IL1RAPL1: variants seen among roughly 807,000 people sequenced by gnomAD.
The protein encoded by IL1RAPL1 is interleukin-1 receptor accessory protein-like 1.
IL1RAPL1 carries 3 observed loss-of-function variants against 48.4 expected under a neutral mutation model. That is an observed-to-expected ratio of 0.06 (90% CI 0.03 to 0.16). The LOEUF is 0.16. IL1RAPL1 is among the 10% of genes least tolerant of loss of function. The probability of loss-of-function intolerance (pLI) is 1.00; values close to 1 mark genes in which losing one functional copy is unlikely to be tolerated. For missense variants in IL1RAPL1, 349 were observed against 530.6 expected (o/e 0.66, Z 3.36); for synonymous variants, 185 against 187.7 (o/e 0.99, Z 0.12).
intron 6 of IL1RAPL1, among the ~76,000 whole-genome samples, chrX:29,669,072 TGTACAA>T (rs1480237847): frequency 1.2e-4 from 13 of 111,389 alleles, no homozygotes; most frequent in African/African-American, 4.2e-4. Context: ...ATTGAAAAAA[TGTACAA>T]TTATATACGA....
At chrX:29,045,830 C>T (rs1385225949) in intron 2 of IL1RAPL1, among the ~76,000 whole-genome samples, 1 of 110,556 alleles carries the variant, frequency 9.0e-6, no homozygotes, top group Admixed American at 9.7e-5. Context: ...CTGTCATGTT[C>T]CTAAATTCCA....
At chrX:29,860,591 C>T (rs1437304799) in intron 6 of IL1RAPL1, among the ~76,000 whole-genome samples, 4 of 110,961 alleles carry the variant, frequency 3.6e-5, no homozygotes, top group African/African-American at 1.3e-4. Flanking sequence ...CTTCCACTTA[C>T]GAGTGAGACC....
At chrX:29,186,923 A>C (rs1297107832) in intron 2 of IL1RAPL1, among the ~76,000 whole-genome samples, 1 of 111,203 alleles carries the variant, frequency 9.0e-6, no homozygotes, top group Non-Finnish European at 1.9e-5. Flanking sequence ...CTGAATTATG[A>C]GAACACATGA....
chrX:28,786,984 G>A (rs955739159), intron 1 of IL1RAPL1, among the ~76,000 whole-genome samples: 20 of 112,029 alleles, frequency 1.8e-4, no homozygotes, highest in Middle Eastern at 4.6e-3. Context: ...CCTCAAAGAA[G>A]TTTGTAAAGA....
chrX:29,331,962 A>G (rs989596940), intron 3 of IL1RAPL1, among the ~76,000 whole-genome samples: 1 of 110,824 alleles, frequency 9.0e-6, no homozygotes, highest in Non-Finnish European at 1.9e-5. Flanking sequence ...AGAAATTAAC[A>G]TAATACTCAA....
intron 6 of IL1RAPL1, among the ~76,000 whole-genome samples, chrX:29,681,747 T>C (rs914639247): frequency 2.7e-5 from 3 of 112,122 alleles, no homozygotes; most frequent in African/African-American, 9.7e-5. Flanking sequence ...ATGAATGTAA[T>C]GCAGTCATCA....
At chrX:29,060,847 C>A (rs903694766) in intron 2 of IL1RAPL1, among the ~76,000 whole-genome samples, 1 of 111,667 alleles carries the variant, frequency 9.0e-6, no homozygotes, top group Non-Finnish European at 1.9e-5. Flanking sequence ...AATGTTACTG[C>A]TAAAATTATT....
intron 1 of IL1RAPL1, among the ~76,000 whole-genome samples, chrX:28,731,101 A>C (rs371554893): frequency 8.9e-6 from 1 of 112,179 alleles, no homozygotes; most frequent in South Asian, 3.7e-4. Context: ...AGATGCCTCA[A>C]AATAGGATCA....
intron 8 of IL1RAPL1, among the ~76,000 whole-genome samples, chrX:29,941,449 A>G (rs1389043688): frequency 8.9e-6 from 1 of 112,063 alleles, no homozygotes; most frequent in East Asian, 2.8e-4. Context: ...TGGTTGTCAC[A>G]TACCACCTTA....
At chrX:29,029,121 A>G (rs746749212) in intron 2 of IL1RAPL1, among the ~76,000 whole-genome samples, 1 of 111,191 alleles carries the variant, frequency 9.0e-6, no homozygotes, top group Non-Finnish European at 1.9e-5. Flanking sequence ...TGAAACCATC[A>G]CATTTCATGA....
chrX:29,746,065 A>G (rs1928330132), intron 6 of IL1RAPL1, among the ~76,000 whole-genome samples: 2 of 111,849 alleles, frequency 1.8e-5, no homozygotes, highest in South Asian at 7.4e-4. Context: ...AGACAATTTT[A>G]TATTTCTTAA....
chrX:29,281,967 G>A (rs1385237792), intron 2 of IL1RAPL1, among the ~76,000 whole-genome samples: 2 of 111,416 alleles, frequency 1.8e-5, no homozygotes, highest in Non-Finnish European at 3.8e-5. Flanking sequence ...GTGCTCACAT[G>A]ATCTCTTTTT....
At chrX:29,933,438 ATACCT>A in intron 8 of IL1RAPL1, among the ~76,000 whole-genome samples, 1 of 111,589 alleles carries the variant, frequency 9.0e-6, no homozygotes. Flanking sequence ...TGCTATAATT[ATACCT>A]TATCAGTTGC....
intron 1 of IL1RAPL1, among the ~76,000 whole-genome samples, chrX:28,630,338 C>G (rs1371243529): frequency 8.9e-6 from 1 of 111,800 alleles, no homozygotes; most frequent in African/African-American, 3.3e-5. Flanking sequence ...CCTTTCACAG[C>G]AATCCAATCA....
At chrX:29,385,964 G>A (rs920284993) in intron 3 of IL1RAPL1, among the ~76,000 whole-genome samples, 1 of 112,150 alleles carries the variant, frequency 8.9e-6, no homozygotes. Context: ...ATACACAAGG[G>A]TTCTAATTTC....
chrX:29,587,730 G>C (rs774211939), intron 5 of IL1RAPL1, among the ~76,000 whole-genome samples: 2 of 111,712 alleles, frequency 1.8e-5, no homozygotes, highest in African/African-American at 6.5e-5. Context: ...GTCTTATCTG[G>C]GGAAACTGTT....
chrX:29,345,088 A>G (rs186088567), intron 3 of IL1RAPL1, among the ~76,000 whole-genome samples: 73 of 112,863 alleles, frequency 6.5e-4, no homozygotes, highest in Middle Eastern at 4.6e-3. Context: ...GTAGATATTT[A>G]GAATTATCCA....
intron 2 of IL1RAPL1, among the ~76,000 whole-genome samples, chrX:29,255,142 C>CGTGT (rs200536177): frequency 0.26 from 16,242 of 62,335 alleles, 1,620 homozygotes; most frequent in East Asian, 0.42. Flanking sequence ...TGTGTGTGTG[C>CGTGT]GTGTGTGTGT....
chrX:29,677,701 G>A (rs1926324827), intron 6 of IL1RAPL1, among the ~76,000 whole-genome samples: 1 of 111,733 alleles, frequency 8.9e-6, no homozygotes, highest in African/African-American at 3.3e-5. Flanking sequence ...GTTTATTAAT[G>A]GAAACAAATG....
Sources: gnomAD v4.1 joint callset for allele counts (sites outside exome capture counted in the v4.1 genomes callset) on GRCh38, gnomAD v4.1.1 for gene constraint, MANE v1.5 for transcripts, NCBI Gene and HGNC (gene_info 2026-07-23, HGNC 2026-07-21) for gene names.